Variants in GPX6 observed in about 807,000 individuals in gnomAD.
The protein encoded by GPX6 is glutathione peroxidase 6 (olfactory).
GPX6 carries 21 observed loss-of-function variants against 20.0 expected under a neutral mutation model. That is an observed-to-expected ratio of 1.05 (90% CI 0.74 to 1.51). The LOEUF is 1.51. Ranked by LOEUF, GPX6 falls within the 40% of genes most tolerant of loss-of-function variation. The probability of loss-of-function intolerance (pLI) is 0.00; values close to 1 mark genes in which losing one functional copy is unlikely to be tolerated. For missense variants in GPX6, 233 were observed against 254.7 expected (o/e 0.91, Z 0.58); for synonymous variants, 75 against 98.0 (o/e 0.77, Z 1.38).
Position 28,513,685 on chromosome 6 carries a change from CAT to C in GPX6, c.87+1970_87+1971del, listed in dbSNP as rs1381205704. ...TACAGAACCTGGAACAAAAGGCTAA[CAT>C]GTTATGTGGTAAGAGAGGCTATAAG... is the stretch of plus-strand genomic sequence containing the variant. On this transcript the variant is annotated intron_variant, in intron 1 of 4. Coordinates refer to ENST00000361902, the MANE Select transcript of GPX6 (RefSeq NM_182701.1). 6.1e-5 allele frequency among the ~76,000 whole-genome samples: 9 copies of C among 148,094 alleles called. No individual in the cohort carries two copies. The East Asian group carries it at 1.6e-3, about 26-fold the overall frequency.
In GPX6 at chr6:28,505,686, G is replaced by C; in HGVS notation, c.459+17C>G. Reference sequence around the variant, plus strand: ...ATTTCTAGCTAACCCATCCATGCCAGGTTTATACTCATGCACCTTCAGGAA... The same window carrying C: ...ATTTCTAGCTAACCCATCCATGCCACGTTTATACTCATGCACCTTCAGGAA... On this transcript the variant is annotated intron_variant, in intron 4 of 4. Transcript: ENST00000361902. 6.3e-7 allele frequency: 1 copy of C among 1,598,124 alleles called. No homozygotes were observed. Among genetic ancestry groups the C allele is most frequent in the Non-Finnish European group, 8.6e-7 (1 of 1,165,600 alleles).
At chr6:28,513,883 C>T (rs780623460) in intron 1 of GPX6, among the ~76,000 whole-genome samples, 11 of 152,192 alleles carry the variant, frequency 7.2e-5, no homozygotes, top group African/African-American at 2.2e-4. Context: ...TCTGTTACCA[C>T]GACACAAGGC....
At chr6:28,515,251 T>C (rs570066567) in intron 1 of GPX6, among the ~76,000 whole-genome samples, 4 of 152,150 alleles carry the variant, frequency 2.6e-5, no homozygotes, top group African/African-American at 9.6e-5. Flanking sequence ...TCTCCAGGAG[T>C]AACCAGGGCA....
intron 2 of GPX6, among the ~76,000 whole-genome samples, chr6:28,506,946 A>C (rs1323534748): frequency 6.6e-6 from 1 of 152,188 alleles, no homozygotes; most frequent in Non-Finnish European, 1.5e-5. Context: ...TTCCAGTCCC[A>C]TTCCCAGGAG....
At chr6:28,506,695 T>C (rs967833931) in intron 2 of GPX6, among the ~76,000 whole-genome samples, 1 of 125,622 alleles carries the variant, frequency 8.0e-6, no homozygotes, top group Non-Finnish European at 1.6e-5. Flanking sequence ...GAACTCTTAT[T>C]TTTTTTTTTA....
chr6:28,513,229 G>A (rs1044124986), intron 1 of GPX6, among the ~76,000 whole-genome samples: 2 of 152,162 alleles, frequency 1.3e-5, no homozygotes, highest in Admixed American at 6.5e-5. Context: ...CAAGATCCCT[G>A]GGATACAGAA....
chr6:28,514,191 C>T (rs772491097), intron 1 of GPX6, among the ~76,000 whole-genome samples: 18 of 152,134 alleles, frequency 1.2e-4, no homozygotes, highest in Admixed American at 5.2e-4. Flanking sequence ...ATTTTCTTGC[C>T]TTTGTGCTAC....
At chr6:28,505,236 T>C (rs906393393) in intron 4 of GPX6, among the ~76,000 whole-genome samples, 5 of 152,216 alleles carry the variant, frequency 3.3e-5, no homozygotes, top group Non-Finnish European at 7.3e-5. Context: ...AGGACCAGCA[T>C]TGTTCTGCAG....
intron 1 of GPX6, among the ~76,000 whole-genome samples, chr6:28,514,103 T>G (rs1762980797): frequency 6.6e-6 from 1 of 152,242 alleles, no homozygotes; most frequent in Non-Finnish European, 1.5e-5. Context: ...CTAAATAATT[T>G]CCAGCATTTG....
Position 28,515,638 on chromosome 6 carries a change from TC to T in GPX6, c.87+18del. 1 of 1,603,084 alleles carries T rather than the reference TC, an allele frequency of 6.2e-7. No individual in the cohort carries two copies. The highest frequency in any genetic ancestry group is 8.5e-7 in the Non-Finnish European group (1 of 1,170,138). On this transcript the variant is annotated intron_variant, in intron 1 of 4. Transcript: ENST00000361902. ...CATCACGTGCTGGAATCAGCTCGGA[TC>T]CCCTGCCCCATGCTCACCTTCCTAT... is the stretch of plus-strand genomic sequence containing the variant.
chr6:28,505,176 C>A (rs1233132780), intron 4 of GPX6, among the ~76,000 whole-genome samples: 1 of 152,148 alleles, frequency 6.6e-6, no homozygotes, highest in Non-Finnish European at 1.5e-5. Flanking sequence ...ATGAAAAATT[C>A]TGCATTGTCT....
intron 1 of GPX6, 70 bp from the exon 2 acceptor site, chr6:28,510,974 C>A: frequency 7.2e-7 from 1 of 1,380,368 alleles, no homozygotes; most frequent in Non-Finnish European, 1.0e-6. Flanking sequence ...TGGACTTTTT[C>A]AAAACACTCG....
chr6:28,512,779 G>A (rs1762917240), intron 1 of GPX6, among the ~76,000 whole-genome samples: 1 of 152,152 alleles, frequency 6.6e-6, no homozygotes, highest in African/African-American at 2.4e-5. Flanking sequence ...CCTGAAGCCA[G>A]CGAGACCACG....
chr6:28,513,679 G>T (rs1348076108), intron 1 of GPX6, among the ~76,000 whole-genome samples: 3 of 150,756 alleles, frequency 2.0e-5, no homozygotes, highest in Non-Finnish European at 4.4e-5. Flanking sequence ...TGGAACAAAA[G>T]GCTAACATGT....
chr6:28,510,845 G>A lies in GPX6; in HGVS notation c.147C>T (p.Asn49=), dbSNP rs767523979. 1.3e-5 allele frequency: 21 copies of A among 1,613,858 alleles called. No homozygotes were observed. In the South Asian group the frequency reaches 2.2e-4, roughly 17 times the overall value. Residue 49 remains asparagine, a synonymous_variant, in exon 2 of 5, where the codon AAC becomes AAT. Coordinates refer to ENST00000361902, the MANE Select transcript of GPX6 (RefSeq NM_182701.1). ...TIYEYGALTL[N]GEEYIQFKQF... ...GCTTGAATTGGATGTACTCCTCGCC[G>A]TTGAGGGTGAGGGCTCCATACTCAT...
Position 28,510,904 on chromosome 6 carries a change from C to T in GPX6, c.88G>A (p.Val30Met). Residue 30 changes from valine to methionine, a missense_variant and splice_region_variant, in exon 2 of 5, where the codon GTG (valine) becomes ATG (methionine). Val to Met is a conservative substitution (Grantham distance 21, BLOSUM62 1). Transcript: ENST00000361902. ...QQTLKPQNRK[V>M]DCNKGVTGTI... ...CCTGTTACCCCTTTGTTGCAATCCA[C>T]CTGGAATTTTACAAAAATAACCATA... The T allele has an allele frequency of 6.3e-7, 1 of 1,592,832 alleles. No homozygotes were observed. Among genetic ancestry groups the T allele is most frequent in the Non-Finnish European group, 8.6e-7 (1 of 1,168,518 alleles).
Position 28,504,392 on chromosome 6 carries a change from C to A in GPX6, c.566G>T (p.Gly189Val). 2 of 1,614,112 alleles carry A rather than the reference C, an allele frequency of 1.2e-6. No individual in the cohort carries two copies. Among genetic ancestry groups the A allele is most frequent in the Non-Finnish European group, 8.5e-7 (1 of 1,180,036 alleles). Residue 189 changes from glycine (G) to valine (V), a missense_variant, in exon 5 of 5, where the codon GGG (glycine) becomes GTG (valine). Coordinates refer to ENST00000361902, the MANE Select transcript of GPX6 (RefSeq NM_182701.1). ...ATGCATGACAGGGACTCCATCGGGC[C>A]CCACCAGAAATTTCTCAAAGTTCCA... is the stretch of plus-strand genomic sequence containing the variant. The part of the protein sequence containing the change: ...IRWNFEKFLV[G>V]PDGVPVMHWF...
chr6:28,513,568 A>G (rs1762963412), intron 1 of GPX6, among the ~76,000 whole-genome samples: 1 of 152,170 alleles, frequency 6.6e-6, no homozygotes, highest in Non-Finnish European at 1.5e-5. Context: ...TATTGTGGTG[A>G]AACAGCCTGA....
intron 4 of GPX6, among the ~76,000 whole-genome samples, chr6:28,505,044 T>A (rs2859358): frequency 0.29 from 43,730 of 152,176 alleles, 7,699 homozygotes; most frequent in East Asian, 0.51. Flanking sequence ...TACTCAGTTG[T>A]ACCACATAAA....
Sources: allele counts gnomAD v4.1 joint callset (sites outside exome capture counted in the v4.1 genomes callset), GRCh38; gene constraint gnomAD v4.1.1; transcripts MANE v1.5; gene names NCBI Gene and HGNC (gene_info 2026-07-23, HGNC 2026-07-21).